The following NRXN1 variants were observed in gnomAD, a reference collection of about 807,000 sequenced individuals.
NRXN1 encodes neurexin 1.
Under a neutral mutation model 150.9 loss-of-function variants are expected in NRXN1, and 39 were observed. The ratio of observed to expected loss-of-function variants is 0.26; its 90% CI spans 0.20 to 0.34. The LOEUF is 0.34. Among genes scored for constraint, NRXN1 ranks in the 10% least tolerant of loss-of-function variants. The pLI, the probability that NRXN1 is intolerant of heterozygous loss-of-function variation, is 1.00. For missense variants in NRXN1, 1,815 were observed against 1,949.9 expected (o/e 0.93, Z 1.30); for synonymous variants, 924 against 757.0 (o/e 1.22, Z -3.62).
At chr2:50,798,818 A>C (rs1707193836) in intron 5 of NRXN1, among the ~76,000 whole-genome samples, 1 of 152,230 alleles carries the variant, frequency 6.6e-6, no homozygotes, top group South Asian at 2.1e-4. Flanking sequence ...ATTTTTATTA[A>C]ATTCAAATTT....
intron 5 of NRXN1, among the ~76,000 whole-genome samples, chr2:50,865,371 T>G (rs1676731333): frequency 6.6e-6 from 1 of 151,918 alleles, no homozygotes. Context: ...TGGAGATTCC[T>G]AAAATTAGTG....
At chr2:50,483,653 A>G (rs750214124) in intron 15 of NRXN1, among the ~76,000 whole-genome samples, 4 of 152,174 alleles carry the variant, frequency 2.6e-5, no homozygotes, top group Non-Finnish European at 1.5e-5. Flanking sequence ...TTACCTGCCC[A>G]GGGTAATACA....
intron 5 of NRXN1, among the ~76,000 whole-genome samples, chr2:50,693,678 A>G (rs1402530340): frequency 6.6e-6 from 1 of 152,232 alleles, no homozygotes; most frequent in African/African-American, 2.4e-5. Flanking sequence ...AGAGATGGTA[A>G]CTAGGACCTA....
At chr2:50,507,277 C>T (rs987158445) in intron 12 of NRXN1, among the ~76,000 whole-genome samples, 3 of 152,002 alleles carry the variant, frequency 2.0e-5, no homozygotes, top group African/African-American at 7.2e-5. Flanking sequence ...AACTAATTGA[C>T]CTGTACGTCA....
chr2:50,585,733 G>A (rs1672995264), intron 8 of NRXN1, among the ~76,000 whole-genome samples: 1 of 152,096 alleles, frequency 6.6e-6, no homozygotes, highest in Admixed American at 6.5e-5. Flanking sequence ...TCATTCCCTA[G>A]TCACTATTTT....
At chr2:50,616,216 G>A (rs1395945750) in intron 8 of NRXN1, 4 of 151,620 alleles carry the variant, frequency 2.6e-5, no homozygotes, top group Non-Finnish European at 4.4e-5. Context: ...TTGAATTCCC[G>A]GCCATTCAAA....
chr2:51,011,591 AGAGT>A (rs1667878027), intron 2 of NRXN1, among the ~76,000 whole-genome samples: 2 of 152,006 alleles, frequency 1.3e-5, no homozygotes, highest in African/African-American at 4.8e-5. Flanking sequence ...AGGTCCAGAG[AGAGT>A]AACACTAGAA....
chr2:49,995,474 CAGT>C (rs1404010416), intron 21 of NRXN1, among the ~76,000 whole-genome samples: 1 of 152,046 alleles, frequency 6.6e-6, no homozygotes, highest in East Asian at 1.9e-4. Flanking sequence ...TTTCAACCAT[CAGT>C]AGACCTTAAA....
chr2:50,588,225 G>A (rs889212304), intron 8 of NRXN1, among the ~76,000 whole-genome samples: 23 of 152,174 alleles, frequency 1.5e-4, no homozygotes, highest in Admixed American at 7.2e-4. Context: ...GGCAAATTCC[G>A]CAAATGAATA....
chr2:49,954,388 C>T (rs1212390376), intron 21 of NRXN1, among the ~76,000 whole-genome samples: 3 of 152,128 alleles, frequency 2.0e-5, no homozygotes, highest in Admixed American at 1.3e-4. Flanking sequence ...GCTTAGTGCA[C>T]AGACTCAGGG....
At chr2:50,867,804 G>A (rs72840207) in intron 5 of NRXN1, among the ~76,000 whole-genome samples, 5,296 of 151,770 alleles carry the variant, frequency 0.035, 165 homozygotes, top group East Asian at 0.078. Context: ...AAAAGAATGG[G>A]TAAAGTTAAA....
In NRXN1 at chr2:50,497,617, G is replaced by T; in HGVS notation, c.2595C>A (p.Phe865Leu). Residue 865 changes from phenylalanine (F) to leucine (L), a missense_variant, in exon 14 of 23, where the codon TTC becomes TTA. Coordinates refer to ENST00000401669, the MANE Select transcript of NRXN1 (RefSeq NM_001330078.2). ...ATGTCAAGCTCTGCAGGTGTCCAAT[G>T]AAGTTGGAGGGGACAGAAGAAAGAT... ...RRYLSSVPSN[F>L]IGHLQSLTFN... The T allele has an allele frequency of 6.2e-7, 1 of 1,613,908 alleles. No individual in the cohort carries two copies. Among genetic ancestry groups the T allele is most frequent in the South Asian group, 1.1e-5 (1 of 91,076 alleles).
At chr2:50,025,032 A>G (rs979348407) in intron 21 of NRXN1, among the ~76,000 whole-genome samples, 4 of 152,196 alleles carry the variant, frequency 2.6e-5, no homozygotes, top group Admixed American at 1.3e-4. Flanking sequence ...CTCAGCCTAT[A>G]TATCTACAAA....
Position 51,027,439 on chromosome 2 carries a change from G to T in NRXN1, c.772+63C>A, listed in dbSNP as rs111501521. Reference sequence around the variant, plus strand: ...TTAGGAAGACCCCATGCACCAGCCCGGTCCCCTCCTCCCCGAGCCCCGCCC... The same window carrying T: ...TTAGGAAGACCCCATGCACCAGCCCTGTCCCCTCCTCCCCGAGCCCCGCCC... On this transcript the variant is annotated intron_variant, in intron 2 of 22. Transcript: ENST00000401669. The T allele has an allele frequency of 2.1e-6, 3 of 1,451,968 alleles. No homozygotes were observed. The South Asian group carries it at 4.5e-5, about 22-fold the overall frequency. The allele number at this position is 1,451,968 out of a possible 1,614,324, so 89.9% of individuals were successfully genotyped here.
intron 18 of NRXN1, among the ~76,000 whole-genome samples, chr2:50,117,377 G>A (rs563124153): frequency 6.6e-6 from 1 of 152,220 alleles, no homozygotes; most frequent in Admixed American, 6.5e-5. Flanking sequence ...AGGAGAATGG[G>A]TAATAAAGAG....
chr2:50,266,131 T>C (rs1007570113), intron 17 of NRXN1, among the ~76,000 whole-genome samples: 70 of 150,306 alleles, frequency 4.7e-4, no homozygotes, highest in East Asian at 3.9e-4. Flanking sequence ...CCCGAGTAGC[T>C]GGGATTACAG....
At chr2:50,228,581 G>A (rs2064631660) in intron 18 of NRXN1, among the ~76,000 whole-genome samples, 1 of 152,024 alleles carries the variant, frequency 6.6e-6, no homozygotes, top group Non-Finnish European at 1.5e-5. Flanking sequence ...GGATGGAGAT[G>A]TGTCTTTGGG....
chr2:50,866,720 C>CA (rs1369498469), intron 5 of NRXN1, among the ~76,000 whole-genome samples: 2 of 151,724 alleles, frequency 1.3e-5, no homozygotes, highest in Admixed American at 1.3e-4. Flanking sequence ...AAAGAAAGGA[C>CA]AAAAAAATTG....
chr2:51,010,698 A>G (rs1484025129), intron 2 of NRXN1, among the ~76,000 whole-genome samples: 1 of 152,044 alleles, frequency 6.6e-6, no homozygotes, highest in Non-Finnish European at 1.5e-5. Context: ...CAAAAGAACT[A>G]TAATAATACA....
Sources: allele counts gnomAD v4.1 joint callset (sites outside exome capture counted in the v4.1 genomes callset), GRCh38; gene constraint gnomAD v4.1.1; transcripts MANE v1.5; gene names NCBI Gene and HGNC (gene_info 2026-07-23, HGNC 2026-07-21).